ANKRD46: variants seen among roughly 807,000 people sequenced by gnomAD.
ANKRD46 encodes ankyrin repeat domain 46, also known as ankyrin repeat domain-containing protein 46.
In ANKRD46, 13 loss-of-function variants were observed where a neutral mutation model predicts 19.8. That is an observed-to-expected ratio of 0.66 (90% confidence interval 0.43 to 1.04). ANKRD46 has a LOEUF of 1.04. ANKRD46 is among the 50% of genes least tolerant of loss of function. The pLI is 0.00. For synonymous variants in ANKRD46, 91 were observed against 106.9 expected (o/e 0.85, Z 0.92); for missense variants, 185 against 274.8 (o/e 0.67, Z 2.31).
At chr8:100,516,737 T>C (rs1262650358), downstream of ANKRD46, among the ~76,000 whole-genome samples, 2 of 152,170 alleles carry the variant, frequency 1.3e-5, no homozygotes, top group Admixed American at 6.5e-5. Context: ...AGAACATAAA[T>C]TGAAAGTAAA....
downstream of ANKRD46, among the ~76,000 whole-genome samples, chr8:100,518,294 A>G (rs1253471572): frequency 6.6e-6 from 1 of 152,228 alleles, no homozygotes; most frequent in African/African-American, 2.4e-5. Flanking sequence ...TGTAATAGAA[A>G]CACAAAATAA....
intron 5 of ANKRD46, among the ~76,000 whole-genome samples, chr8:100,512,140 G>A (rs1811558032): frequency 6.6e-6 from 1 of 152,124 alleles, no homozygotes; most frequent in South Asian, 2.1e-4. Flanking sequence ...GAATGAATGA[G>A]CCTGTTTATT....
rs944002192 is a variant in ANKRD46, at chr8:100,543,543, T to C, written c.-130-10232A>G. On this transcript the variant is annotated intron_variant, in intron 1 of 4. Transcript: ENST00000335659. The surrounding 1 kb of genome is among the most constrained non-coding windows in gnomAD (Gnocchi z 4.2). ...GAACTACAGTGTTAAACAAAGATAA[T>C]TATGATTTAAAAATTATTCTTTAAA... 1.1e-4 allele frequency among the ~76,000 whole-genome samples: 16 copies of C among 152,314 alleles called. No homozygotes were observed. Among genetic ancestry groups the C allele is most frequent in the African/African-American group, 3.4e-4 (14 of 41,584 alleles).
At chr8:100,516,095 C>A (rs937884236), downstream of ANKRD46, among the ~76,000 whole-genome samples, 25 of 152,170 alleles carry the variant, frequency 1.6e-4, 1 homozygote, top group Non-Finnish European at 2.9e-5. Flanking sequence ...TGGTCTCGAA[C>A]TCTCGACCTC....
At chr8:100,548,194 A>C (rs188915172) in intron 1 of ANKRD46, among the ~76,000 whole-genome samples, 1 of 152,288 alleles carries the variant, frequency 6.6e-6, no homozygotes, top group Admixed American at 6.5e-5. Flanking sequence ...CAATGTATTT[A>C]AAACAACAGC....
intron 4 of ANKRD46, among the ~76,000 whole-genome samples, chr8:100,526,714 A>G (rs1306601407): frequency 6.6e-6 from 1 of 152,180 alleles, no homozygotes; most frequent in African/African-American, 2.4e-5. Flanking sequence ...GTCCCCAAAG[A>G]GCACATCATC....
At chr8:100,531,547 C>T (rs542652166) in intron 2 of ANKRD46, among the ~76,000 whole-genome samples, 1 of 152,240 alleles carries the variant, frequency 6.6e-6, no homozygotes, top group East Asian at 1.9e-4. Context: ...GAGCCAGGTA[C>T]CAACTAGGAG....
rs184820677 is a variant in ANKRD46, at chr8:100,537,210, T to C, written c.-130-3899A>G. On this transcript the variant is annotated intron_variant, in intron 1 of 4. Coordinates refer to ENST00000335659, the MANE Select transcript of ANKRD46 (RefSeq NM_001270377.2). The surrounding 1 kb of genome is among the most constrained non-coding windows in gnomAD (Gnocchi z 4.2). ...TAACTAAAAATTGTTCTATATCCAA[T>C]ATCAACAAGAATACATAATAGATGG... Among the ~76,000 whole-genome samples, 4 of 152,306 alleles carry C rather than the reference T, an allele frequency of 2.6e-5. No individual in the cohort carries two copies. The East Asian group carries it at 7.7e-4, about 29-fold the overall frequency.
At chr8:100,553,692 T>C (rs775391639) in intron 1 of ANKRD46, among the ~76,000 whole-genome samples, 4 of 152,236 alleles carry the variant, frequency 2.6e-5, no homozygotes, top group Admixed American at 2.6e-4. Context: ...GAAGCTACAG[T>C]GAGCTGAGGT....
In ANKRD46 at chr8:100,521,705, A is replaced by G. The variant is rs1043173521; in HGVS notation, c.*850T>C. The G allele has an allele frequency of 3.0e-6, 3 of 985,296 alleles. No homozygotes were observed. In the African/African-American group the frequency reaches 5.2e-5, roughly 17 times the overall value. 61.0% of individuals were successfully genotyped at this position (985,296 alleles called of 1,614,324 possible). ...GCTAGCTTATAGAACTGAGTTTTTC[A>G]CTATAATAGCACTACAGAATTATGA... On this transcript the variant is annotated 3_prime_UTR_variant, in exon 5 of 5. Coordinates refer to ENST00000335659, the MANE Select transcript of ANKRD46 (RefSeq NM_001270377.2).
intron 4 of ANKRD46, among the ~76,000 whole-genome samples, chr8:100,523,297 G>A (rs1157957135): frequency 1.3e-5 from 2 of 151,956 alleles, no homozygotes; most frequent in Non-Finnish European, 2.9e-5. Context: ...ATTTAAGAAT[G>A]TGTTAATACG....
chr8:100,539,404 A>G (rs1296744468), intron 1 of ANKRD46, among the ~76,000 whole-genome samples: 2 of 152,236 alleles, frequency 1.3e-5, no homozygotes, highest in Non-Finnish European at 2.9e-5. Flanking sequence ...TCCTTTTAGG[A>G]TATCCCAGTA....
rs1812091046 is a variant in ANKRD46 at position 100,537,645 on chromosome 8, G to C, written c.-130-4334C>G. Among the ~76,000 whole-genome samples, 1 of 152,116 alleles carries C rather than the reference G, an allele frequency of 6.6e-6. No individual in the cohort carries two copies. Among genetic ancestry groups the C allele is most frequent in the African/African-American group, 2.4e-5 (1 of 41,430 alleles). On this transcript the variant is annotated intron_variant, in intron 1 of 4. Coordinates refer to ENST00000335659, the MANE Select transcript of ANKRD46 (RefSeq NM_001270377.2). This position sits in a 1 kb window ranked among gnomAD's most constrained non-coding sequence, Gnocchi z 4.2. ...TAAAATTACTGTTCTTAAAACCTGAGCTCTGCAAAAATCCAAAGATACTGG... is the reference window on the plus strand; with the variant it reads ...TAAAATTACTGTTCTTAAAACCTGACCTCTGCAAAAATCCAAAGATACTGG...
intron 5 of ANKRD46, among the ~76,000 whole-genome samples, chr8:100,515,164 G>A (rs1811608631): frequency 6.6e-6 from 1 of 152,156 alleles, no homozygotes; most frequent in South Asian, 2.1e-4. Flanking sequence ...GTTGACAAAT[G>A]TTCCTGCAAC....
Position 100,527,442 on chromosome 8 carries a change from C to T in ANKRD46, c.470+403G>A, listed in dbSNP as rs978412994. Among the ~76,000 whole-genome samples the T allele has an allele frequency of 6.6e-6, 1 of 152,000 alleles. No individual in the cohort carries two copies. Among genetic ancestry groups the T allele is most frequent in the African/African-American group, 2.4e-5 (1 of 41,360 alleles). On this transcript the variant is annotated intron_variant, in intron 4 of 4. Coordinates refer to ENST00000335659, the MANE Select transcript of ANKRD46 (RefSeq NM_001270377.2). This position sits in a 1 kb window ranked among gnomAD's most constrained non-coding sequence, Gnocchi z 4.0. ...TTTGAAATTCCATTCTTTTTGTGAC[C>T]TGTACTTAAAATCATCAAGCTCCGG...
chr8:100,517,621 G>C (rs1010775637), downstream of ANKRD46, among the ~76,000 whole-genome samples: 1 of 152,204 alleles, frequency 6.6e-6, no homozygotes, highest in Non-Finnish European at 1.5e-5. Context: ...TCAAGAATGA[G>C]TGGCTGAACA....
At position 100,557,510 on chromosome 8, in the gene ANKRD46, C is replaced by T. The variant is rs574340307; in HGVS notation, c.-131+2201G>A. On this transcript the variant is annotated intron_variant, in intron 1 of 4. Coordinates refer to ENST00000335659, the MANE Select transcript of ANKRD46 (RefSeq NM_001270377.2). This position sits in a 1 kb window ranked among gnomAD's most constrained non-coding sequence, Gnocchi z 5.9. Reference sequence around the variant, plus strand: ...CCTTGCCCTTACAGTCAACACTGAACACAGCAGCCAGAGTGATCCTTTAAA... The same window carrying T: ...CCTTGCCCTTACAGTCAACACTGAATACAGCAGCCAGAGTGATCCTTTAAA... 2.6e-5 allele frequency among the ~76,000 whole-genome samples: 4 copies of T among 152,344 alleles called. No homozygotes were observed. The highest frequency in any genetic ancestry group is 9.6e-5 in the African/African-American group (4 of 41,584).
At position 100,546,254 on chromosome 8, in the gene ANKRD46, C is replaced by T. The variant is rs2130694917; in HGVS notation, c.-130-12943G>A. Among the ~76,000 whole-genome samples, 1 of 152,354 alleles carries T rather than the reference C, an allele frequency of 6.6e-6. No homozygotes were observed. Among genetic ancestry groups the T allele is most frequent in the East Asian group, 1.9e-4 (1 of 5,188 alleles). On this transcript the variant is annotated intron_variant, in intron 1 of 4. Coordinates refer to ENST00000335659, the MANE Select transcript of ANKRD46 (RefSeq NM_001270377.2). The surrounding 1 kb of genome is among the most constrained non-coding windows in gnomAD (Gnocchi z 4.0). ...AGATCTTCATGGCAGCCCCTCCCATCACAGGCCACAAGGCCTAGGAGGGAA... is the reference window on the plus strand; with the variant it reads ...AGATCTTCATGGCAGCCCCTCCCATTACAGGCCACAAGGCCTAGGAGGGAA...
chr8:100,523,999 C>T (rs966369497), intron 4 of ANKRD46, among the ~76,000 whole-genome samples: 2 of 152,284 alleles, frequency 1.3e-5, no homozygotes, highest in Non-Finnish European at 1.5e-5. Flanking sequence ...CTATCTTGTA[C>T]AGTAAGACAG....
Sources: allele counts gnomAD v4.1 joint callset (sites outside exome capture counted in the v4.1 genomes callset), GRCh38; gene constraint gnomAD v4.1.1; non-coding constraint Gnocchi (gnomAD v3.1); transcripts MANE v1.5; gene names NCBI Gene and HGNC (gene_info 2026-07-23, HGNC 2026-07-21).